Variants in IGF2BP3 observed in about 807,000 individuals in gnomAD.
IGF2BP3 encodes the protein insulin like growth factor 2 mRNA binding protein 3.
IGF2BP3 carries 9 observed loss-of-function variants against 73.8 expected under a neutral mutation model. That is an observed-to-expected ratio of 0.12 (90% CI 0.07 to 0.21). IGF2BP3 has a LOEUF of 0.21. IGF2BP3 is among the 10% of genes least tolerant of loss of function. The pLI is 1.00. For synonymous variants in IGF2BP3, 258 were observed against 256.7 expected (o/e 1.01, Z -0.05); for missense variants, 542 against 714.0 (o/e 0.76, Z 2.75).
intron 10 of IGF2BP3, among the ~76,000 whole-genome samples, chr7:23,321,192 T>C (rs1040214619): frequency 6.6e-5 from 10 of 152,046 alleles, no homozygotes; most frequent in African/African-American, 2.2e-4. Flanking sequence ...TGCCAGACAG[T>C]GGGCGCAGGT....
chr7:23,322,911 C>G (rs1358626030), intron 10 of IGF2BP3, among the ~76,000 whole-genome samples: 1 of 152,058 alleles, frequency 6.6e-6, no homozygotes, highest in Non-Finnish European at 1.5e-5. Context: ...TAAAAGAGCT[C>G]CTGAAGGAAG....
chr7:23,438,463 A>G (rs770307147), intron 2 of IGF2BP3, among the ~76,000 whole-genome samples: 1 of 152,162 alleles, frequency 6.6e-6, no homozygotes, highest in Non-Finnish European at 1.5e-5. Flanking sequence ...TCACATCAAC[A>G]TAGATCATTT....
At chr7:23,423,119 T>C (rs1257445160) in intron 2 of IGF2BP3, among the ~76,000 whole-genome samples, 1 of 152,210 alleles carries the variant, frequency 6.6e-6, no homozygotes, top group Non-Finnish European at 1.5e-5. Flanking sequence ...TCCCATTTGC[T>C]CAGTAACTAA....
At chr7:23,369,402 G>A (rs571132459) in intron 3 of IGF2BP3, among the ~76,000 whole-genome samples, 1 of 152,100 alleles carries the variant, frequency 6.6e-6, no homozygotes, top group Non-Finnish European at 1.5e-5. Context: ...ATTACCCTCT[G>A]TCTATAAAAT....
In IGF2BP3 at chr7:23,448,636, TG is replaced by T. The variant is rs1420939820; in HGVS notation, c.236+19845del. On this transcript the variant is annotated intron_variant, in intron 2 of 14. Coordinates refer to ENST00000258729, the MANE Select transcript of IGF2BP3 (RefSeq NM_006547.3). ...CAGGCTGTTTGTTTGTTTGTTTGTT[TG>T]TTTGTTTTTTTGAGGCAGAGTCTCG... Among the ~76,000 whole-genome samples, 34 of 152,032 alleles carry T rather than the reference TG, an allele frequency of 2.2e-4. No individual in the cohort carries two copies. In the South Asian group the frequency reaches 7.1e-3, roughly 32 times the overall value.
intron 10 of IGF2BP3, among the ~76,000 whole-genome samples, chr7:23,338,137 G>C (rs763247667): frequency 6.6e-6 from 1 of 152,110 alleles, no homozygotes; most frequent in African/African-American, 2.4e-5. Flanking sequence ...AGAGGTTTTT[G>C]GCATGATATT....
At chr7:23,468,436 T>A (rs1484275188) in intron 2 of IGF2BP3, 46 bp downstream of exon 2, 1 of 1,600,282 alleles carries the variant, frequency 6.2e-7, no homozygotes, top group Non-Finnish European at 8.6e-7. Flanking sequence ...CTCCACCCAA[T>A]AACGGAGTGA....
At chr7:23,430,946 T>C (rs989158261) in intron 2 of IGF2BP3, among the ~76,000 whole-genome samples, 2 of 152,188 alleles carry the variant, frequency 1.3e-5, no homozygotes, top group Admixed American at 1.3e-4. Flanking sequence ...ATGGAGATAT[T>C]ATAAATATGA....
chr7:23,313,811 A>T (rs1783898974), intron 12 of IGF2BP3, among the ~76,000 whole-genome samples, 158 bp from the exon 13 acceptor site: 1 of 152,234 alleles, frequency 6.6e-6, no homozygotes, highest in South Asian at 2.1e-4. Context: ...GAGCAGTTAG[A>T]AGTCCTAAAA....
chr7:23,461,029 G>C (rs1354260241), intron 2 of IGF2BP3, among the ~76,000 whole-genome samples: 1 of 151,974 alleles, frequency 6.6e-6, no homozygotes, highest in Admixed American at 6.6e-5. Context: ...TACATCCCAG[G>C]TTGCTCCAAA....
rs1445366545 is a variant in IGF2BP3 at position 23,310,475 on chromosome 7, T to TA, written c.*1886dup. 3 of 152,188 alleles carry TA rather than the reference T, an allele frequency of 2.0e-5. No individual in the cohort carries two copies. Among genetic ancestry groups the TA allele is most frequent in the African/African-American group, 7.2e-5 (3 of 41,446 alleles). 9.4% of individuals were successfully genotyped at this position (152,188 alleles called of 1,614,324 possible). The stretch of plus-strand genomic sequence containing the variant: ...AATGCAGCACCTATGTGTATATTTT[T>TA]AAAAAATCAAATATTGGGGAAAAAA... On this transcript the variant is annotated 3_prime_UTR_variant, in exon 15 of 15. Coordinates refer to ENST00000258729, the MANE Select transcript of IGF2BP3 (RefSeq NM_006547.3).
intron 2 of IGF2BP3, among the ~76,000 whole-genome samples, chr7:23,458,493 T>G (rs1217752751): frequency 6.6e-6 from 1 of 152,080 alleles, no homozygotes; most frequent in Non-Finnish European, 1.5e-5. Flanking sequence ...CACCGTGGAC[T>G]CCACTCCAGA....
intron 6 of IGF2BP3, among the ~76,000 whole-genome samples, chr7:23,350,634 G>C (rs920076222): frequency 1.3e-5 from 2 of 152,232 alleles, no homozygotes; most frequent in African/African-American, 4.8e-5. Context: ...AGTCATTTTA[G>C]TCATTTGACA....
chr7:23,361,788 T>G (rs1785237240), intron 3 of IGF2BP3, 47 bp from the exon 4 acceptor site: 2 of 1,512,632 alleles, frequency 1.3e-6, no homozygotes, highest in Non-Finnish European at 1.8e-6. Flanking sequence ...TTTCCCAAGT[T>G]ATTATCAAGG....
intron 2 of IGF2BP3, among the ~76,000 whole-genome samples, chr7:23,463,859 T>TA (rs1446450720): frequency 1.3e-5 from 2 of 152,238 alleles, no homozygotes; most frequent in Non-Finnish European, 2.9e-5. Flanking sequence ...AAAATCTTTT[T>TA]AGCTACAACC....
chr7:23,371,901 T>C (rs1583950883), intron 3 of IGF2BP3, among the ~76,000 whole-genome samples: 1 of 152,058 alleles, frequency 6.6e-6, no homozygotes, highest in African/African-American at 2.4e-5. Context: ...GAGAGAACAG[T>C]CCAACAATCC....
intron 3 of IGF2BP3, among the ~76,000 whole-genome samples, chr7:23,416,835 CCT>C (rs2128534530): frequency 6.6e-6 from 1 of 152,312 alleles, no homozygotes; most frequent in South Asian, 2.1e-4. Context: ...TGGTGGATCG[CCT>C]GAGGTCAGGA....
chr7:23,437,744 C>CTTTTGTTCT (rs1787839345), intron 2 of IGF2BP3, among the ~76,000 whole-genome samples: 1 of 152,126 alleles, frequency 6.6e-6, no homozygotes, highest in South Asian at 2.1e-4. Context: ...TAAGATTTCA[C>CTTTTGTTCT]CAATATTGAG....
At position 23,313,673 on chromosome 7, in the gene IGF2BP3, C is replaced by CTATTA; in HGVS notation, c.1396-25_1396-21dup. 1.9e-6 allele frequency: 3 copies of CTATTA among 1,606,912 alleles called. No individual in the cohort carries two copies. Among genetic ancestry groups the CTATTA allele is most frequent in the Non-Finnish European group, 2.5e-6 (3 of 1,177,854 alleles). On this transcript the variant is annotated intron_variant, in intron 12 of 14. Transcript: ENST00000258729. ...CTGAGCCTGCAGATGAAAACACATC[C>CTATTA]TATTAGTGTCATTCATGTATGAAAT...
Sources: allele counts gnomAD v4.1 joint callset (sites outside exome capture counted in the v4.1 genomes callset), GRCh38; gene constraint gnomAD v4.1.1; transcripts MANE v1.5; gene names NCBI Gene and HGNC (gene_info 2026-07-23, HGNC 2026-07-21).